Variants in AMPD3 observed in about 807,000 individuals in gnomAD.
The protein encoded by AMPD3 is adenosine monophosphate deaminase 3, also known as AMP deaminase 3.
Under a neutral mutation model 82.3 loss-of-function variants are expected in AMPD3, and 57 were observed. The ratio of observed to expected loss-of-function variants is 0.69; its 90% CI spans 0.56 to 0.86. AMPD3 has a LOEUF of 0.86. Among genes scored for constraint, AMPD3 ranks in the 40% least tolerant of loss-of-function variants. The pLI is 0.00. For missense variants in AMPD3, 870 were observed against 1,003.8 expected (o/e 0.87, Z 1.80); for synonymous variants, 381 against 394.7 (o/e 0.97, Z 0.41).
In AMPD3 at chr11:10,505,979, T is replaced by C; in HGVS notation, c.*95T>C. 7.1e-7 allele frequency: 1 copy of C among 1,413,388 alleles called. No homozygotes were observed. Among genetic ancestry groups the C allele is most frequent in the South Asian group, 1.2e-5 (1 of 86,052 alleles). 87.6% of individuals were successfully genotyped at this position (1,413,388 alleles called of 1,614,324 possible). On this transcript the variant is annotated 3_prime_UTR_variant, in exon 15 of 15. Coordinates refer to ENST00000396553, the MANE Select transcript of AMPD3 (RefSeq NM_001025389.2). ...GATTCCGAACTAGGACTTTCCTCTG[T>C]GAAGAGGATGCCTCTGAAGAAATTT...
chr11:10,463,859 T>C (rs1009245504), intron 2 of AMPD3, among the ~76,000 whole-genome samples: 5 of 152,236 alleles, frequency 3.3e-5, no homozygotes, highest in African/African-American at 9.6e-5. Flanking sequence ...AGACGCTCCT[T>C]GAGGACTGGA....
upstream of AMPD3, chr11:10,450,776 A>G: frequency 5.1e-6 from 6 of 1,165,500 alleles, no homozygotes; most frequent in Non-Finnish European, 6.3e-6. Context: ...TAGGGCACCG[A>G]CGGGGGCTGC....
At chr11:10,453,348 A>T (rs1206828973), upstream of AMPD3, among the ~76,000 whole-genome samples, 3 of 152,242 alleles carry the variant, frequency 2.0e-5, no homozygotes, top group South Asian at 6.2e-4. Flanking sequence ...TCATTGTTTT[A>T]TGCATTCATT....
intron 7 of AMPD3, 181 bp downstream of exon 7, chr11:10,493,724 G>A: frequency 4.0e-6 from 3 of 742,148 alleles, no homozygotes; most frequent in Non-Finnish European, 7.0e-6. Context: ...CCATGGGACA[G>A]GGAAAGAGGG....
In AMPD3 at chr11:10,478,643, C is replaced by G. The variant is rs753703989; in HGVS notation, c.339C>G (p.Val113=). 17 of 1,614,230 alleles carry G rather than the reference C, an allele frequency of 1.1e-5. No homozygotes were observed. The South Asian group carries it at 1.5e-4, about 15-fold the overall frequency. Residue 113 remains valine (V), a synonymous_variant, in exon 3 of 15, where the codon GTC becomes GTG. Coordinates refer to ENST00000396553, the MANE Select transcript of AMPD3 (RefSeq NM_001025389.2). ...CCATGTCTCCCACAACCCCTGTGGTCACTGGAGCCACTTCCCTGCCCACGC... is the reference window on the plus strand; with the variant it reads ...CCATGTCTCCCACAACCCCTGTGGTGACTGGAGCCACTTCCCTGCCCACGC... ...SPAMSPTTPV[V]TGATSLPTPA... is the part of the protein sequence containing the mutation.
At chr11:10,500,866 C>T in intron 11 of AMPD3, 1 of 985,478 alleles carries the variant, frequency 1.0e-6, no homozygotes, top group Non-Finnish European at 1.2e-6. Flanking sequence ...CATTCCCTTC[C>T]CTACAAGTCT....
chr11:10,497,926 G>A (rs116720555), intron 10 of AMPD3, among the ~76,000 whole-genome samples: 3,155 of 152,292 alleles, frequency 0.021, 109 homozygotes, highest in African/African-American at 0.069. Flanking sequence ...TGCTTGGTGC[G>A]TGTTGGACAC....
chr11:10,490,833 C>T (rs1440482292), intron 6 of AMPD3, among the ~76,000 whole-genome samples: 4 of 152,206 alleles, frequency 2.6e-5, no homozygotes, highest in Non-Finnish European at 5.9e-5. Flanking sequence ...TTCTTTTGTG[C>T]ATCCCACGTG....
intron 4 of AMPD3, chr11:10,484,186 G>C: frequency 1.1e-6 from 1 of 950,644 alleles, no homozygotes; most frequent in Non-Finnish European, 1.3e-6. Flanking sequence ...CTCACAGCAG[G>C]GAAATTGCAT....
At chr11:10,504,348 T>C (rs1340312845) in intron 13 of AMPD3, 1 of 524,006 alleles carries the variant, frequency 1.9e-6, no homozygotes, top group East Asian at 1.5e-4. Context: ...AGAGGCGTGA[T>C]TTTAGATCTC....
rs568480670 is a variant in AMPD3 at position 10,467,032 on chromosome 11, A to G, written c.221+5292A>G. On this transcript the variant is annotated intron_variant, in intron 2 of 14. Coordinates refer to ENST00000396553, the MANE Select transcript of AMPD3 (RefSeq NM_001025389.2). ...AAATCACCAGCATCAAAGACCAAAG[A>G]TAGATAAATCCACGAAGATGGGGAT... 4.6e-5 allele frequency among the ~76,000 whole-genome samples: 7 copies of G among 152,340 alleles called. No homozygotes were observed. In the East Asian group the frequency reaches 1.2e-3, roughly 25 times the overall value.
At chr11:10,501,647 G>A in intron 12 of AMPD3, 57 bp downstream of exon 12, 1 of 1,613,554 alleles carries the variant, frequency 6.2e-7, no homozygotes, top group Non-Finnish European at 8.5e-7. Flanking sequence ...CTGGGCTCCT[G>A]GGAGGCTCAA....
chr11:10,456,320 A>G lies in AMPD3; in HGVS notation c.-6+872A>G. 3 of 1,611,544 alleles carry G rather than the reference A, an allele frequency of 1.9e-6. No homozygotes were observed. The highest frequency in any genetic ancestry group is 1.3e-5 in the African/African-American group (1 of 74,998). ...CTGCACGCACGCACTGACTCAGCTG[A>G]GCCTCCTGGGTGGCAGGCAGCACCT... On this transcript the variant is annotated intron_variant, in intron 1 of 14. Coordinates refer to ENST00000396553, the MANE Select transcript of AMPD3 (RefSeq NM_001025389.2). The surrounding 1 kb of genome is among the most constrained non-coding windows in gnomAD (Gnocchi z 4.3).
chr11:10,499,797 G>A (rs1252326605), intron 10 of AMPD3: 2 of 985,292 alleles, frequency 2.0e-6, no homozygotes, highest in African/African-American at 1.7e-5. Context: ...CCCTTCACCT[G>A]GCTTGGCAGT....
chr11:10,482,728 G>A (rs576569595), intron 4 of AMPD3, among the ~76,000 whole-genome samples: 115 of 152,090 alleles, frequency 7.6e-4, no homozygotes, highest in Non-Finnish European at 1.6e-3. Context: ...GTCTTACCAT[G>A]TTGCCCAGGC....
chr11:10,450,930 C>T, upstream of AMPD3: 2 of 1,286,112 alleles, frequency 1.6e-6, no homozygotes, highest in Non-Finnish European at 2.0e-6. Flanking sequence ...GGCCCTGGCC[C>T]CGGCTGGCCT....
At chr11:10,489,911 C>T (rs917102099) in intron 6 of AMPD3, among the ~76,000 whole-genome samples, 1 of 152,170 alleles carries the variant, frequency 6.6e-6, no homozygotes, top group African/African-American at 2.4e-5. Context: ...GAACTCTCAG[C>T]CTCAGGTGAT....
rs765809522 is a variant in AMPD3 at position 10,501,484 on chromosome 11, G to T, written c.1736G>T (p.Ser579Ile). Residue 579 changes from serine (S) to isoleucine (I), a missense_variant, in exon 12 of 15, where the codon AGC (serine) becomes ATC (isoleucine). Transcript: ENST00000396553. ...LNNLRRERGL[S>I]TFLFRPHCGE... The stretch of plus-strand genomic sequence containing the variant: ...TTCTCTTACAGGGAGCGCGGCCTGA[G>T]CACGTTCCTGTTCCGGCCGCACTGT... 1 of 1,613,994 alleles carries T rather than the reference G, an allele frequency of 6.2e-7. No individual in the cohort carries two copies. The highest frequency in any genetic ancestry group is 8.5e-7 in the Non-Finnish European group (1 of 1,180,022).
At chr11:10,499,595 C>T in intron 10 of AMPD3, 3 of 948,130 alleles carry the variant, frequency 3.2e-6, no homozygotes, top group Non-Finnish European at 3.8e-6. Flanking sequence ...GCAGCCAACC[C>T]CTCCCTCCTG....
Sources: gnomAD v4.1 joint callset for allele counts (sites outside exome capture counted in the v4.1 genomes callset) on GRCh38, gnomAD v4.1.1 for gene constraint, Gnocchi (gnomAD v3.1) non-coding constraint, MANE v1.5 for transcripts, NCBI Gene and HGNC (gene_info 2026-07-23, HGNC 2026-07-21) for gene names.